Variants in SZRD1 observed in about 807,000 individuals in gnomAD.
SZRD1 encodes SUZ RNA binding domain containing 1, also known as SUZ RNA-binding domain-containing.
A neutral mutation model predicts 17.6 loss-of-function variants in SZRD1; 7 were observed. That is an observed-to-expected ratio of 0.40 (90% CI 0.23 to 0.75). The LOEUF is 0.75. Among genes scored for constraint, SZRD1 ranks in the 30% least tolerant of loss-of-function variants. The pLI, the probability that SZRD1 is intolerant of heterozygous loss-of-function variation, is 0.38. For missense variants in SZRD1, 178 were observed against 201.8 expected, an observed-to-expected ratio of 0.88 and a Z score of 0.71; for synonymous variants, 77 against 77.9, an observed-to-expected ratio of 0.99 and a Z score of 0.06.
chr1:16,375,280 G>A (rs1456684086), intron 1 of SZRD1, among the ~76,000 whole-genome samples: 1 of 151,992 alleles, frequency 6.6e-6, no homozygotes, highest in African/African-American at 2.4e-5. Flanking sequence ...ACAGAAATTA[G>A]CAACAAACCC....
At chr1:16,370,458 C>T (rs1008289092) in intron 1 of SZRD1, among the ~76,000 whole-genome samples, 6 of 151,820 alleles carry the variant, frequency 4.0e-5, no homozygotes, top group Non-Finnish European at 1.5e-5. Context: ...AACTCCTGGC[C>T]TCAAGTGATC....
chr1:16,385,553 A>G (rs2083174382), intron 1 of SZRD1, among the ~76,000 whole-genome samples: 1 of 151,888 alleles, frequency 6.6e-6, no homozygotes, highest in African/African-American at 2.4e-5. Flanking sequence ...TTTCCTTGTC[A>G]TCGACCTCTT....
At chr1:16,380,217 G>A (rs1368885700) in intron 1 of SZRD1, among the ~76,000 whole-genome samples, 1 of 152,146 alleles carries the variant, frequency 6.6e-6, no homozygotes, top group Non-Finnish European at 1.5e-5. Context: ...GTGCGCGGCT[G>A]TATTCCCATC....
At position 16,391,824 on chromosome 1, in the gene SZRD1, C is replaced by G. The variant is rs1243882399; in HGVS notation, c.101+400C>G. On this transcript the variant is annotated intron_variant, in intron 2 of 3. Transcript: ENST00000401088. The surrounding 1 kb of genome is among the most constrained non-coding windows in gnomAD (Gnocchi z 4.3). ...GATGATTTCTCTGGGTCCCCAGTGA[C>G]TTGGTGGTCTAGGGTATTATGAGGG... Among the ~76,000 whole-genome samples the G allele has an allele frequency of 6.6e-6, 1 of 152,036 alleles. No homozygotes were observed. Among genetic ancestry groups the G allele is most frequent in the Non-Finnish European group, 1.5e-5 (1 of 68,020 alleles).
At chr1:16,374,002 G>A (rs1178351054) in intron 1 of SZRD1, among the ~76,000 whole-genome samples, 1 of 152,128 alleles carries the variant, frequency 6.6e-6, no homozygotes, top group East Asian at 1.9e-4. Flanking sequence ...CTTCACTCTG[G>A]GGTCCCCAAT....
At chr1:16,373,675 G>A (rs1277810138) in intron 1 of SZRD1, among the ~76,000 whole-genome samples, 1 of 150,326 alleles carries the variant, frequency 6.7e-6, no homozygotes, top group African/African-American at 2.5e-5. Flanking sequence ...ATGACTTACT[G>A]CTGTCTCGAC....
chr1:16,385,969 C>A (rs1362560772), intron 1 of SZRD1, among the ~76,000 whole-genome samples: 1 of 152,222 alleles, frequency 6.6e-6, no homozygotes, highest in African/African-American at 2.4e-5. Context: ...TCCGCTCTTT[C>A]CTTCTGGCTT....
chr1:16,383,178 CTCCTTCCT>C (rs202230839), intron 1 of SZRD1, among the ~76,000 whole-genome samples: 2 of 148,700 alleles, frequency 1.3e-5, no homozygotes, highest in African/African-American at 2.5e-5. Context: ...CTTTCTTTCT[CTCCTTCCT>C]TCCTTCCTTC....
At position 16,395,095 on chromosome 1, in the gene SZRD1, G is replaced by C. The variant is rs778482927; in HGVS notation, c.414G>C (p.Gln138His). Residue 138 changes from glutamine (Q) to histidine (H), a missense_variant, in exon 4 of 4, where the codon CAG (glutamine) becomes CAC (histidine). Physicochemically the swap from Gln to His is conservative, Grantham distance 24. This residue lies in a region of SZRD1 where 57 missense variants were observed against 71.9 expected (regional missense o/e 0.79). Transcript: ENST00000401088. ...DSRQPNNVIR[Q>H]PLGPDGSQGF... ...GGCAGCCCAATAATGTGATCAGACA[G>C]CCTTTGGGTCCTGATGGGTCTCAAG... is the stretch of plus-strand genomic sequence containing the variant. 48 of 1,613,940 alleles carry C rather than the reference G, an allele frequency of 3.0e-5. No individual in the cohort carries two copies. The highest frequency in any genetic ancestry group is 3.8e-5 in the Non-Finnish European group (45 of 1,179,886).
chr1:16,379,277 G>A (rs1212752411), intron 1 of SZRD1, among the ~76,000 whole-genome samples: 7 of 151,800 alleles, frequency 4.6e-5, no homozygotes, highest in East Asian at 2.0e-4. Flanking sequence ...CTGCCACCAC[G>A]CCCGGCTAAT....
At chr1:16,381,961 C>T (rs1196284336) in intron 1 of SZRD1, among the ~76,000 whole-genome samples, 1 of 152,074 alleles carries the variant, frequency 6.6e-6, no homozygotes, top group South Asian at 2.1e-4. Context: ...GGTTGAAGTG[C>T]GTTCTAGGCA....
At chr1:16,371,478 C>T (rs2082912877) in intron 1 of SZRD1, among the ~76,000 whole-genome samples, 1 of 138,174 alleles carries the variant, frequency 7.2e-6, no homozygotes. Flanking sequence ...TTTTTTTTTC[C>T]CGAGATGGAG....
intron 1 of SZRD1, among the ~76,000 whole-genome samples, chr1:16,385,274 G>C (rs903474898): frequency 6.6e-6 from 1 of 152,118 alleles, no homozygotes; most frequent in African/African-American, 2.4e-5. Flanking sequence ...TGCTGTCCTT[G>C]GGGAGTGGGT....
chr1:16,372,645 G>GCT (rs2082933462), intron 1 of SZRD1, among the ~76,000 whole-genome samples: 2 of 152,174 alleles, frequency 1.3e-5, no homozygotes, highest in Admixed American at 1.3e-4. Flanking sequence ...AAGGCATGCA[G>GCT]CTAGTGGGAA....
intron 1 of SZRD1, among the ~76,000 whole-genome samples, chr1:16,381,064 C>G (rs866883365): frequency 6.9e-6 from 1 of 144,270 alleles, no homozygotes. Flanking sequence ...GCCTGGGCAA[C>G]AGAGCAAGAC....
At position 16,396,158 on chromosome 1, in the gene SZRD1, G is replaced by C. The variant is rs978580811; in HGVS notation, c.*1018G>C. The C allele has an allele frequency of 6.6e-6, 1 of 152,632 alleles. No individual in the cohort carries two copies. Among genetic ancestry groups the C allele is most frequent in the Admixed American group, 6.5e-5 (1 of 15,272 alleles). 9.5% of individuals were successfully genotyped at this position (152,632 alleles called of 1,614,324 possible). On this transcript the variant is annotated 3_prime_UTR_variant, in exon 4 of 4. Transcript: ENST00000401088. ...TTTGCCATCAGCACAAGGAAAACCAGGAGAGAGTCTGCCTCCAGGACTCTG... is the reference window on the plus strand; with the variant it reads ...TTTGCCATCAGCACAAGGAAAACCACGAGAGAGTCTGCCTCCAGGACTCTG...
chr1:16,368,231 C>A (rs1319420447), intron 1 of SZRD1, among the ~76,000 whole-genome samples: 2 of 151,920 alleles, frequency 1.3e-5, no homozygotes, highest in Non-Finnish European at 2.9e-5. Context: ...TTTTTGTCTC[C>A]CCGTGTTCGC....
At position 16,391,172 on chromosome 1, in the gene SZRD1, C is replaced by G. The variant is rs1190481180; in HGVS notation, c.52-203C>G. Among the ~76,000 whole-genome samples, 1 of 152,046 alleles carries G rather than the reference C, an allele frequency of 6.6e-6. No individual in the cohort carries two copies. The highest frequency in any genetic ancestry group is 1.5e-5 in the Non-Finnish European group (1 of 68,010). ...ACAATGAGGTTTAGAACTGTCATGG[C>G]GGCCATGGGGCTAGAAGGGAGATGG... On this transcript the variant is annotated intron_variant, in intron 1 of 3. Coordinates refer to ENST00000401088, the MANE Select transcript of SZRD1 (RefSeq NM_001114600.3). The surrounding 1 kb of genome is among the most constrained non-coding windows in gnomAD (Gnocchi z 4.3).
intron 1 of SZRD1, among the ~76,000 whole-genome samples, chr1:16,372,671 A>G (rs2082933996): frequency 6.6e-6 from 1 of 152,214 alleles, no homozygotes; most frequent in Non-Finnish European, 1.5e-5. Context: ...TGCATCTTGA[A>G]TAAGTTAAAG....
Sources: allele counts gnomAD v4.1 joint callset (sites outside exome capture counted in the v4.1 genomes callset), GRCh38; gene constraint gnomAD v4.1.1; regional missense constraint gnomAD v4.1.1; non-coding constraint Gnocchi (gnomAD v3.1); transcripts MANE v1.5; gene names NCBI Gene and HGNC (gene_info 2026-07-23, HGNC 2026-07-21).